PCDH9: variants seen among roughly 807,000 people sequenced by gnomAD.
The protein encoded by PCDH9 is protocadherin-9.
PCDH9 carries 24 observed loss-of-function variants against 70.6 expected under a neutral mutation model. The observed-to-expected ratio is 0.34, with a 90% CI of 0.25 to 0.48. PCDH9 has a LOEUF of 0.48. Among genes scored for constraint, PCDH9 ranks in the 20% least tolerant of loss-of-function variants. The pLI is 0.99. For missense variants in PCDH9, 1,281 were observed against 1,503.6 expected (o/e 0.85, Z 2.45); for synonymous variants, 562 against 558.5 (o/e 1.01, Z -0.09).
intron 2 of PCDH9, among the ~76,000 whole-genome samples, chr13:66,960,248 G>A (rs2083325344): frequency 6.6e-6 from 1 of 152,082 alleles, no homozygotes; most frequent in Admixed American, 6.5e-5. Flanking sequence ...TCTTACAAAA[G>A]CAGTTTAAAA....
chr13:67,157,720 T>A (rs1237382606), intron 2 of PCDH9, among the ~76,000 whole-genome samples: 1 of 152,236 alleles, frequency 6.6e-6, no homozygotes, highest in South Asian at 2.1e-4. Flanking sequence ...TTATGGTCAA[T>A]TTTTAGCCAA....
chr13:67,005,160 A>T (rs1222309155), intron 2 of PCDH9, among the ~76,000 whole-genome samples: 1 of 151,934 alleles, frequency 6.6e-6, no homozygotes. Context: ...AGAATCACGG[A>T]CATTTCTGCA....
chr13:66,892,841 G>C (rs926153810), intron 3 of PCDH9, among the ~76,000 whole-genome samples: 2 of 152,026 alleles, frequency 1.3e-5, no homozygotes, highest in Admixed American at 1.3e-4. Flanking sequence ...TTCATAACAA[G>C]TATGCAGATA....
intron 4 of PCDH9, among the ~76,000 whole-genome samples, chr13:66,599,262 T>A (rs2077137332): frequency 1.3e-5 from 2 of 151,820 alleles, no homozygotes; most frequent in South Asian, 4.1e-4. Context: ...AAAAAGAAAT[T>A]TTTTTTCTTT....
intron 3 of PCDH9, among the ~76,000 whole-genome samples, chr13:66,686,423 C>G (rs1407149623): frequency 1.3e-5 from 2 of 152,124 alleles, no homozygotes; most frequent in Admixed American, 1.3e-4. Flanking sequence ...AAACCTCTTT[C>G]CATTATAAAT....
intron 2 of PCDH9, among the ~76,000 whole-genome samples, chr13:67,197,784 A>G (rs1349108607): frequency 6.6e-6 from 1 of 151,956 alleles, no homozygotes; most frequent in Non-Finnish European, 1.5e-5. Context: ...AATGATTAAA[A>G]TAAGTAATTG....
intron 4 of PCDH9, among the ~76,000 whole-genome samples, chr13:66,382,881 A>T (rs761713745): frequency 5.9e-5 from 9 of 152,108 alleles, no homozygotes; most frequent in Non-Finnish European, 8.8e-5. Flanking sequence ...AAATACAAAA[A>T]ATCAGCCAGG....
At chr13:66,977,461 T>C (rs1398021994) in intron 2 of PCDH9, 1 of 152,106 alleles carries the variant, frequency 6.6e-6, no homozygotes, top group African/African-American at 2.4e-5. Context: ...TCCCTCCTTC[T>C]CATCAACAAC....
chr13:66,489,705 A>G (rs1308532556), intron 4 of PCDH9, among the ~76,000 whole-genome samples: 1 of 152,140 alleles, frequency 6.6e-6, no homozygotes, highest in African/African-American at 2.4e-5. Flanking sequence ...TTCCATCTGT[A>G]TATGCCTAGT....
intron 4 of PCDH9, among the ~76,000 whole-genome samples, chr13:66,338,272 C>T (rs1388528724): frequency 6.6e-6 from 1 of 151,966 alleles, no homozygotes; most frequent in African/African-American, 2.4e-5. Flanking sequence ...TTTCTTATGT[C>T]TATATTACAA....
intron 4 of PCDH9, among the ~76,000 whole-genome samples, chr13:66,453,418 A>G (rs1002236113): frequency 6.6e-6 from 1 of 152,202 alleles, no homozygotes; most frequent in African/African-American, 2.4e-5. Context: ...ACATAGTGAT[A>G]GCCTATGTGA....
chr13:66,782,279 C>T (rs1372371575), intron 3 of PCDH9, among the ~76,000 whole-genome samples: 1 of 152,098 alleles, frequency 6.6e-6, no homozygotes, highest in African/African-American at 2.4e-5. Context: ...TTTAAATTTA[C>T]ATTAAATAGT....
At chr13:66,886,123 T>C (rs2082001206) in intron 3 of PCDH9, 1 of 152,176 alleles carries the variant, frequency 6.6e-6, no homozygotes, top group Non-Finnish European at 1.5e-5. Flanking sequence ...TTCTGTTAAT[T>C]CATTTGCCTT....
chr13:67,033,506 T>C (rs1050154227), intron 2 of PCDH9, among the ~76,000 whole-genome samples: 2 of 152,168 alleles, frequency 1.3e-5, no homozygotes, highest in African/African-American at 4.8e-5. Context: ...CAAATAGATG[T>C]TGGGGTTGTA....
intron 4 of PCDH9, among the ~76,000 whole-genome samples, chr13:66,400,139 T>C (rs764545451): frequency 6.6e-6 from 1 of 152,186 alleles, no homozygotes; most frequent in Non-Finnish European, 1.5e-5. Context: ...GTACTTGCTG[T>C]CATTGGTCAT....
intron 2 of PCDH9, among the ~76,000 whole-genome samples, chr13:66,940,144 A>G (rs1176897369): frequency 6.6e-6 from 1 of 152,188 alleles, no homozygotes; most frequent in Non-Finnish European, 1.5e-5. Flanking sequence ...AATGCTTCGT[A>G]TAGAAGCTTT....
intron 2 of PCDH9, 21 bp downstream of exon 2, chr13:67,225,384 C>A: frequency 1.2e-6 from 2 of 1,608,578 alleles, no homozygotes; most frequent in Non-Finnish European, 8.5e-7. Context: ...TACTTATAGA[C>A]CAGTAAAAGT....
At chr13:66,784,043 C>A (rs2080040953) in intron 3 of PCDH9, among the ~76,000 whole-genome samples, 1 of 152,052 alleles carries the variant, frequency 6.6e-6, no homozygotes, top group African/African-American at 2.4e-5. Context: ...ACATCAACTT[C>A]ATTAAGGAAA....
At chr13:67,079,483 T>C (rs2085942086) in intron 2 of PCDH9, among the ~76,000 whole-genome samples, 1 of 152,184 alleles carries the variant, frequency 6.6e-6, no homozygotes. Context: ...GAACCCTATA[T>C]AATGTAGCTT....
Sources: gnomAD v4.1 joint callset for allele counts (sites outside exome capture counted in the v4.1 genomes callset) on GRCh38, gnomAD v4.1.1 for gene constraint, MANE v1.5 for transcripts, NCBI Gene and HGNC (gene_info 2026-07-23, HGNC 2026-07-21) for gene names.